The following CCDC159 variants were observed in gnomAD, a reference collection of about 807,000 sequenced individuals.
The protein encoded by CCDC159 is coiled-coil domain containing 159.
A neutral mutation model predicts 50.9 loss-of-function variants in CCDC159; 40 were observed. That is an observed-to-expected ratio of 0.79 (90% CI 0.61 to 1.02). The LOEUF is 1.02. Ranked by LOEUF, CCDC159 falls within the 50% of genes least tolerant of loss-of-function variation. The probability of loss-of-function intolerance (pLI) is 0.00; values close to 1 mark genes in which losing one functional copy is unlikely to be tolerated. For missense variants in CCDC159, 356 were observed against 371.5 expected, an observed-to-expected ratio of 0.96 and a Z score of 0.34; for synonymous variants, 146 against 138.9, an observed-to-expected ratio of 1.05 and a Z score of -0.36.
chr19:11,351,130 C>T, intron 5 of CCDC159, 127 bp downstream of exon 5: 1 of 985,728 alleles, frequency 1.0e-6, no homozygotes, highest in East Asian at 2.8e-5. Flanking sequence ...TGGTGGAAAG[C>T]CTGAGGGACA....
Position 11,346,592 on chromosome 19 carries a change from G to C in CCDC159, c.-15G>C. Reference sequence around the variant, plus strand: ...ACTTCAGCGTCACAGCTGAGGACTGGCTTCGTGGTCCCTGATGGGAGAGCA... The same window carrying C: ...ACTTCAGCGTCACAGCTGAGGACTGCCTTCGTGGTCCCTGATGGGAGAGCA... On this transcript the variant is annotated 5_prime_UTR_variant, in exon 1 of 11. Transcript: ENST00000458408. The C allele has an allele frequency of 6.4e-7, 1 of 1,551,522 alleles. No homozygotes were observed. Among genetic ancestry groups the C allele is most frequent in the Non-Finnish European group, 8.7e-7 (1 of 1,146,912 alleles).
At position 11,351,899 on chromosome 19, in the gene CCDC159, C is replaced by T. The variant is rs1266904928; in HGVS notation, c.423-7C>T. ...GAGTGCAGGTCTAGGCTGCACTGTCCCCTCAGCAAGAAGTTCCTGTGGGAG... is the reference window on the plus strand; with the variant it reads ...GAGTGCAGGTCTAGGCTGCACTGTCTCCTCAGCAAGAAGTTCCTGTGGGAG... On this transcript the variant is annotated splice_polypyrimidine_tract_variant and splice_region_variant and intron_variant, in intron 5 of 10. Coordinates refer to ENST00000458408, the MANE Select transcript of CCDC159 (RefSeq NM_001080503.3). 1.9e-6 allele frequency: 3 copies of T among 1,588,394 alleles called. No individual in the cohort carries two copies. Among genetic ancestry groups the T allele is most frequent in the African/African-American group, 1.3e-5 (1 of 74,154 alleles).
At chr19:11,351,747 G>C (rs1219536184) in intron 5 of CCDC159, 159 bp from the exon 6 acceptor site, 4 of 605,484 alleles carry the variant, frequency 6.6e-6, no homozygotes, top group Non-Finnish European at 1.2e-5. Context: ...AAGGAGAGGA[G>C]GGGGATGAGG....
At chr19:11,351,821 C>A (rs895652527) in intron 5 of CCDC159, 85 bp from the exon 6 acceptor site, 1 of 1,203,190 alleles carries the variant, frequency 8.3e-7, no homozygotes, top group Non-Finnish European at 1.2e-6. Context: ...ACAGAGCTTG[C>A]GGGGATGGGT....
intron 4 of CCDC159, among the ~76,000 whole-genome samples, chr19:11,350,427 TG>T (rs1305644143): frequency 1.4e-5 from 2 of 147,384 alleles, no homozygotes; most frequent in East Asian, 4.0e-4. Context: ...CTGAGGCAGG[TG>T]GATCACCTGA....
chr19:11,349,330 C>A, intron 1 of CCDC159: 1 of 520,158 alleles, frequency 1.9e-6, no homozygotes, highest in Non-Finnish European at 3.2e-6. Flanking sequence ...CCTAGAACAG[C>A]ACCTGGCACT....
At chr19:11,353,707 C>T (rs573760376) in intron 8 of CCDC159, 85 bp from the exon 9 acceptor site, 35 of 1,535,258 alleles carry the variant, frequency 2.3e-5, no homozygotes, top group East Asian at 4.8e-5. Flanking sequence ...CACCCCACCA[C>T]GGCCCCCAAC....
intron 1 of CCDC159, chr19:11,348,831 G>A (rs183610344): frequency 7.9e-4 from 454 of 573,780 alleles, no homozygotes; most frequent in African/African-American, 7.9e-3. Flanking sequence ...CCTCCAGCAT[G>A]TGTTTGCCTG....
rs375419314 is a variant in CCDC159, at chr19:11,351,864, G to A, written c.423-42G>A. The A allele has an allele frequency of 2.5e-5, 39 of 1,547,608 alleles. No homozygotes were observed. In the African/African-American group the frequency reaches 4.2e-4, roughly 17 times the overall value. On this transcript the variant is annotated intron_variant, in intron 5 of 10. Transcript: ENST00000458408. Reference sequence around the variant, plus strand: ...CAGATAGGGGCATGGGAGGTCAGGGGCCAGGCAGGGAGTGCAGGTCTAGGC... The same window carrying A: ...CAGATAGGGGCATGGGAGGTCAGGGACCAGGCAGGGAGTGCAGGTCTAGGC...
At chr19:11,351,667 A>C (rs2144638010) in intron 5 of CCDC159, 1 of 391,932 alleles carries the variant, frequency 2.6e-6, no homozygotes, top group Non-Finnish European at 4.5e-6. Context: ...GGAGGTGGGG[A>C]GGTGGAGGCC....
At chr19:11,348,168 G>C in intron 1 of CCDC159, 3 of 456,580 alleles carry the variant, frequency 6.6e-6, no homozygotes, top group Non-Finnish European at 1.3e-5. Flanking sequence ...CTTCCTTTAA[G>C]CCAATGTCAA....
intron 10 of CCDC159, 54 bp from the exon 11 acceptor site, chr19:11,354,818 AG>A: frequency 6.2e-7 from 1 of 1,612,366 alleles, no homozygotes; most frequent in Non-Finnish European, 8.5e-7. Flanking sequence ...CCTGACCTGC[AG>A]CCCCGGAGTC....
chr19:11,348,044 A>C, intron 1 of CCDC159: 1 of 445,400 alleles, frequency 2.2e-6, no homozygotes, highest in Non-Finnish European at 4.5e-6. Flanking sequence ...TGCTCTGCTA[A>C]CCTCCTGCTG....
intron 4 of CCDC159, 29 bp downstream of exon 4, chr19:11,350,228 G>C (rs1967495169): frequency 1.9e-6 from 3 of 1,587,178 alleles, no homozygotes; most frequent in Non-Finnish European, 1.7e-6. Context: ...TCAAGGTCAG[G>C]CTAGGCCAGG....
chr19:11,348,374 C>T (rs1157883285), intron 1 of CCDC159, among the ~76,000 whole-genome samples: 1 of 152,156 alleles, frequency 6.6e-6, no homozygotes, highest in African/African-American at 2.4e-5. Context: ...CTGCCACCTC[C>T]GCCTCCCGGG....
In CCDC159 at chr19:11,353,843, G is replaced by C; in HGVS notation, c.741G>C (p.Ser247=). 6.3e-7 allele frequency: 1 copy of C among 1,592,228 alleles called. No homozygotes were observed. The highest frequency in any genetic ancestry group is 1.3e-5 in the African/African-American group (1 of 74,540). ...CCATAGACAGCCTCACTTTGTGCTC[G>C]GGGGCCTGTCCCAAGGCCTCGAGCC... The part of the protein sequence containing the change: ...QNSIDSLTLC[S]GACPKASSLR... The change falls in exon 9 of 11, where the codon TCG becomes TCC. Residue 247 remains serine (S), a synonymous_variant. Transcript: ENST00000458408.
chr19:11,347,834 G>C (rs1378237103), intron 1 of CCDC159, among the ~76,000 whole-genome samples: 2 of 152,228 alleles, frequency 1.3e-5, no homozygotes, highest in South Asian at 2.1e-4. Context: ...CTATACTGGA[G>C]GGGGAGGGGA....
intron 1 of CCDC159, chr19:11,348,988 G>A (rs1167390221): frequency 1.5e-6 from 2 of 1,337,414 alleles, no homozygotes; most frequent in East Asian, 4.7e-5. Flanking sequence ...ACAAGGCTCT[G>A]GAGCGTACAG....
chr19:11,350,675 C>T, intron 4 of CCDC159, 133 bp from the exon 5 acceptor site: 1 of 822,270 alleles, frequency 1.2e-6, no homozygotes, highest in Non-Finnish European at 1.9e-6. Context: ...AGGCTGGAAG[C>T]TGGTCCTGTT....
Sources: allele counts gnomAD v4.1 joint callset (sites outside exome capture counted in the v4.1 genomes callset), GRCh38; gene constraint gnomAD v4.1.1; transcripts MANE v1.5; gene names NCBI Gene and HGNC (gene_info 2026-07-23, HGNC 2026-07-21).